The following PEAK1 variants were observed in gnomAD, a reference collection of about 807,000 sequenced individuals.
PEAK1 encodes inactive tyrosine-protein kinase PEAK1.
PEAK1 carries 54 observed loss-of-function variants against 124.7 expected under a neutral mutation model. The ratio of observed to expected loss-of-function variants is 0.43; its 90% CI spans 0.35 to 0.54. The LOEUF (loss-of-function observed/expected upper bound fraction) is 0.54, where lower values mean the gene tolerates loss of function less well. PEAK1 is among the 20% of genes least tolerant of loss of function. The probability of loss-of-function intolerance (pLI) is 0.01; values close to 1 mark genes in which losing one functional copy is unlikely to be tolerated. For missense variants in PEAK1, 2,046 were observed against 2,134.5 expected, an observed-to-expected ratio of 0.96 and a Z score of 0.82; for synonymous variants, 719 against 760.0, an observed-to-expected ratio of 0.95 and a Z score of 0.89.
intron 1 of PEAK1, chr15:77,402,033 T>C (rs1047913903): frequency 1.3e-6 from 1 of 741,668 alleles, no homozygotes; most frequent in Admixed American, 6.3e-5. Context: ...ACCCCAGCTC[T>C]ACTAAAAATA....
chr15:77,134,744 G>A (rs952412439), intron 8 of PEAK1, among the ~76,000 whole-genome samples: 1 of 152,122 alleles, frequency 6.6e-6, no homozygotes, highest in African/African-American at 2.4e-5. Flanking sequence ...CTCTACTCAA[G>A]ATCTCAGAGT....
intron 2 of PEAK1, among the ~76,000 whole-genome samples, chr15:77,323,199 A>AGC (rs1163890961): frequency 1.3e-5 from 2 of 152,226 alleles, no homozygotes; most frequent in African/African-American, 4.8e-5. Context: ...AAAAACTGGA[A>AGC]GCGTTCCCTT....
intron 7 of PEAK1, among the ~76,000 whole-genome samples, chr15:77,162,612 C>CA (rs35772575): frequency 0.66 from 99,797 of 151,184 alleles, 33,762 homozygotes; most frequent in Non-Finnish European, 0.76. Context: ...TATCTCCTAA[C>CA]AAATGTTTTA....
At position 77,138,250 on chromosome 15, in the gene PEAK1, TAAA is replaced by T; in HGVS notation, c.3332-4503_3332-4501del. 2.0e-5 allele frequency among the ~76,000 whole-genome samples: 3 copies of T among 152,130 alleles called. No individual in the cohort carries two copies. The East Asian group carries it at 5.8e-4, about 29-fold the overall frequency. ...TACAGTAAAAATACAGTATAAAAGA[TAAA>T]AAATGGTATGCTTGTATAGGGCACT... On this transcript the variant is annotated intron_variant, in intron 8 of 9. Transcript: ENST00000682557.
At chr15:77,252,087 C>A (rs2060908781) in intron 6 of PEAK1, among the ~76,000 whole-genome samples, 1 of 152,246 alleles carries the variant, frequency 6.6e-6, no homozygotes. Flanking sequence ...TGCTTTAGGG[C>A]TCACCTGCCC....
exon 7 of PEAK1, chr15:77,101,744 G>A (rs1316798800): frequency 6.6e-6 from 1 of 152,152 alleles, no homozygotes; most frequent in Non-Finnish European, 1.5e-5. Context: ...CTTTTGAAAA[G>A]CTCCCCTGGT....
intron 5 of PEAK1, chr15:77,255,251 A>G: frequency 1.7e-6 from 1 of 605,682 alleles, no homozygotes; most frequent in Non-Finnish European, 2.1e-6. Flanking sequence ...AAACCTATTA[A>G]TTATTTATTC....
chr15:77,140,516 CA>C (rs1054847902), intron 8 of PEAK1, among the ~76,000 whole-genome samples: 1 of 152,036 alleles, frequency 6.6e-6, no homozygotes, highest in Non-Finnish European at 1.5e-5. Context: ...TTAATAGATG[CA>C]GAAAAAACAT....
At chr15:77,304,614 A>AT (rs531302555) in intron 2 of PEAK1, among the ~76,000 whole-genome samples, 17 of 151,684 alleles carry the variant, frequency 1.1e-4, no homozygotes, top group Admixed American at 4.6e-4. Context: ...CGTCCGGCCA[A>AT]TTTTTTTGTA....
intron 5 of PEAK1, among the ~76,000 whole-genome samples, chr15:77,259,858 G>C: frequency 6.6e-6 from 1 of 152,146 alleles, no homozygotes. Flanking sequence ...TGTTTACTTG[G>C]AGAGATAGAA....
intron 8 of PEAK1, among the ~76,000 whole-genome samples, chr15:77,149,347 G>C (rs1562289): frequency 0.022 from 3,285 of 152,034 alleles, 116 homozygotes; most frequent in African/African-American, 0.074. Flanking sequence ...AAGAAACAAA[G>C]AAAAGAAAAA....
At chr15:77,334,395 T>C in intron 2 of PEAK1, 1 of 985,294 alleles carries the variant, frequency 1.0e-6, no homozygotes, top group South Asian at 4.7e-5. Context: ...AAGAAATATT[T>C]TCCAGATGAA....
chr15:77,255,423 C>T, intron 5 of PEAK1: 1 of 963,634 alleles, frequency 1.0e-6, no homozygotes, highest in Non-Finnish European at 1.2e-6. Context: ...TTCTTCTCTC[C>T]CTGCATTAGA....
At chr15:77,216,016 T>A (rs1596657730) in intron 6 of PEAK1, among the ~76,000 whole-genome samples, 1 of 152,204 alleles carries the variant, frequency 6.6e-6, no homozygotes, top group East Asian at 1.9e-4. Flanking sequence ...TTATCAAAAT[T>A]GTTTTAGCTA....
At chr15:77,207,449 A>C (rs1477534675) in intron 6 of PEAK1, among the ~76,000 whole-genome samples, 2 of 152,232 alleles carry the variant, frequency 1.3e-5, no homozygotes, top group Non-Finnish European at 2.9e-5. Flanking sequence ...TGAATGGACA[A>C]ACTGTGGTAT....
chr15:77,143,731 C>T (rs1282524728), intron 8 of PEAK1, among the ~76,000 whole-genome samples: 8 of 152,152 alleles, frequency 5.3e-5, no homozygotes, highest in Admixed American at 6.5e-5. Flanking sequence ...ATTGACCTTT[C>T]TTGGGCCCTC....
intron 8 of PEAK1, among the ~76,000 whole-genome samples, chr15:77,150,618 T>C (rs1014090750): frequency 2.6e-5 from 4 of 151,590 alleles, no homozygotes; most frequent in Non-Finnish European, 5.9e-5. Flanking sequence ...CCCATTAACT[T>C]GTCATTTAAC....
At chr15:77,233,994 T>C (rs1054803035) in intron 6 of PEAK1, among the ~76,000 whole-genome samples, 1 of 152,126 alleles carries the variant, frequency 6.6e-6, no homozygotes, top group African/African-American at 2.4e-5. Flanking sequence ...GCCTCCCAAG[T>C]AGCCATGACT....
intron 2 of PEAK1, among the ~76,000 whole-genome samples, chr15:77,345,476 A>G (rs986394403): frequency 1.3e-5 from 2 of 152,202 alleles, no homozygotes; most frequent in Non-Finnish European, 2.9e-5. Context: ...GGTTTTGAAA[A>G]GATAAAAAGG....
Sources: gnomAD v4.1 joint callset for allele counts (sites outside exome capture counted in the v4.1 genomes callset) on GRCh38, gnomAD v4.1.1 for gene constraint, MANE v1.5 for transcripts, NCBI Gene and HGNC (gene_info 2026-07-23, HGNC 2026-07-21) for gene names.